The following ZBTB7A variants were observed in gnomAD, a reference collection of about 807,000 sequenced individuals.
ZBTB7A encodes the protein zinc finger and BTB domain-containing protein 7A.
Under a neutral mutation model 26.7 loss-of-function variants are expected in ZBTB7A, and 7 were observed. The ratio of observed to expected loss-of-function variants is 0.26; its 90% CI spans 0.15 to 0.49. ZBTB7A has a LOEUF of 0.49. ZBTB7A is among the 20% of genes least tolerant of loss of function. The pLI is 0.98. For synonymous variants in ZBTB7A, 452 were observed against 441.0 expected (o/e 1.02, Z -0.31); for missense variants, 617 against 919.5 (o/e 0.67, Z 4.25).
Position 4,048,267 on chromosome 19 carries a change from G to T in ZBTB7A, c.1263-23C>A. 2 of 1,555,924 alleles carry T rather than the reference G, an allele frequency of 1.3e-6. No homozygotes were observed. The highest frequency in any genetic ancestry group is 8.6e-7 in the Non-Finnish European group (1 of 1,159,550). On this transcript the variant is annotated intron_variant, in intron 2 of 2. Transcript: ENST00000322357. The surrounding 1 kb of genome is among the most constrained non-coding windows in gnomAD (Gnocchi z 6.7). ...TGCCTGTGGACGGGGCACGGGGCGG[G>T]CACGGTCAGTGGGGCCGGGGACCCC...
rs568297018 is a variant in ZBTB7A at position 4,052,266 on chromosome 19, C to T, written c.1262+1705G>A. ...CGCTCAGCCTGGTCCCCTCTGCAGA[C>T]CCCAGTTCTCTGCACCCCACCAAGC... On this transcript the variant is annotated intron_variant, in intron 2 of 2. Transcript: ENST00000322357. The surrounding 1 kb of genome is among the most constrained non-coding windows in gnomAD (Gnocchi z 4.9). Among the ~76,000 whole-genome samples, 303 of 152,270 alleles carry T rather than the reference C, an allele frequency of 2.0e-3. 2 individuals carry two copies. The highest frequency in any genetic ancestry group is 7.1e-3 in the African/African-American group (296 of 41,562).
chr19:4,056,399 C>T (rs965083465), intron 1 of ZBTB7A, among the ~76,000 whole-genome samples: 1 of 152,244 alleles, frequency 6.6e-6, no homozygotes, highest in African/African-American at 2.4e-5. Flanking sequence ...TGGCACCACC[C>T]CTCCGAGGAG....
chr19:4,045,912 G>A lies in ZBTB7A; in HGVS notation c.*1840C>T. On this transcript the variant is annotated 3_prime_UTR_variant, in exon 3 of 3. Coordinates refer to ENST00000322357, the MANE Select transcript of ZBTB7A (RefSeq NM_015898.4). This position sits in a 1 kb window ranked among gnomAD's most constrained non-coding sequence, Gnocchi z 4.1. ...AAGAGGGGTGCCTGGGGTGGGGAGA[G>A]GGGCGGTGGTTCTAAGGCCCTGGAG... 2.5e-6 allele frequency: 1 copy of A among 398,698 alleles called. No homozygotes were observed. The highest frequency in any genetic ancestry group is 4.4e-5 in the Admixed American group (1 of 22,740). The allele number at this position is 398,698 out of a possible 1,614,324, so 24.7% of individuals were successfully genotyped here. A position where few individuals can be genotyped will look rare whatever the true frequency, so the allele number is the denominator to read the frequency against.
chr19:4,057,789 A>T (rs889930116), intron 1 of ZBTB7A, among the ~76,000 whole-genome samples: 71 of 151,546 alleles, frequency 4.7e-4, no homozygotes, highest in Non-Finnish European at 9.6e-4. Flanking sequence ...TCCAAAAAAA[A>T]AAAAAAAAAC....
Position 4,047,628 on chromosome 19 carries a change from TAG to T in ZBTB7A, c.*122_*123del. 1 of 802,902 alleles carries T rather than the reference TAG, an allele frequency of 1.2e-6. No individual in the cohort carries two copies. The highest frequency in any genetic ancestry group is 1.8e-6 in the Non-Finnish European group (1 of 541,960). The allele number at this position is 802,902 out of a possible 1,614,324, so 49.7% of individuals were successfully genotyped here. ...ATATATATATCTGTATATATATATA[TAG>T]ATATAGATATCTGTATATAGATAGA... On this transcript the variant is annotated 3_prime_UTR_variant, in exon 3 of 3. Coordinates refer to ENST00000322357, the MANE Select transcript of ZBTB7A (RefSeq NM_015898.4).
chr19:4,066,328 A>G (rs1461245572), intron 1 of ZBTB7A, among the ~76,000 whole-genome samples: 5 of 128,358 alleles, frequency 3.9e-5, no homozygotes, highest in Non-Finnish European at 6.7e-5. Context: ...GCGCCCCCCT[A>G]TCTCCCCACG....
At chr19:4,053,422 TATGTGTGC>T (rs2040525200) in intron 2 of ZBTB7A, among the ~76,000 whole-genome samples, 1 of 151,958 alleles carries the variant, frequency 6.6e-6, no homozygotes, top group Non-Finnish European at 1.5e-5. Context: ...CATGTGCATG[TATGTGTGC>T]GCATGTACGT....
intron 1 of ZBTB7A, among the ~76,000 whole-genome samples, chr19:4,056,998 G>C (rs2040586206): frequency 7.0e-6 from 1 of 142,876 alleles, no homozygotes; most frequent in Admixed American, 7.2e-5. Context: ...CCGTACTCCA[G>C]CCTGGGCAAC....
At chr19:4,064,583 G>A (rs906923405) in intron 1 of ZBTB7A, among the ~76,000 whole-genome samples, 6 of 152,266 alleles carry the variant, frequency 3.9e-5, no homozygotes, top group Non-Finnish European at 7.3e-5. Context: ...GCCGGTGGTG[G>A]GGAGGCACCC....
Position 4,054,733 on chromosome 19 carries a change from T to C in ZBTB7A, c.500A>G (p.Asn167Ser). The C allele has an allele frequency of 6.4e-7, 1 of 1,570,040 alleles. No individual in the cohort carries two copies. The highest frequency in any genetic ancestry group is 8.6e-7 in the Non-Finnish European group (1 of 1,157,374). ...CGCGGGGGGCAGGCTGTTCATGGGG[T>C]TGCTCTGGAAGAACTCGAGGTACTC... Reference protein sequence around the residue: ...AKEYLEFFQSNPMNSLPPAAA... With the variant: ...AKEYLEFFQSSPMNSLPPAAA... The change falls in exon 2 of 3, where the codon AAC becomes AGC. Residue 167 changes from asparagine (N) to serine (S), a missense_variant. This residue lies in a region of ZBTB7A where 331 missense variants were observed against 391.3 expected (regional missense o/e 0.85). Coordinates refer to ENST00000322357, the MANE Select transcript of ZBTB7A (RefSeq NM_015898.4).
chr19:4,066,725 TG>T lies in ZBTB7A; in HGVS notation c.-60del, dbSNP rs1251453360. 1 of 150,986 alleles carries T rather than the reference TG, an allele frequency of 6.6e-6. No homozygotes were observed. The highest frequency in any genetic ancestry group is 2.4e-5 in the African/African-American group (1 of 41,104). The allele number at this position is 150,986 out of a possible 1,614,324, so 9.4% of individuals were successfully genotyped here. The stretch of plus-strand genomic sequence containing the variant: ...GGCGCGCGGGGCCGGGGCCCGAAGT[TG>T]GGACTGGGCTCCCTCGGCCGCTCGC... On this transcript the variant is annotated 5_prime_UTR_variant, in exon 1 of 3. Transcript: ENST00000322357.
intron 2 of ZBTB7A, among the ~76,000 whole-genome samples, chr19:4,049,597 G>A (rs2040475186): frequency 6.6e-6 from 1 of 152,046 alleles, no homozygotes; most frequent in African/African-American, 2.4e-5. Flanking sequence ...AACTGTTCTG[G>A]TTTTAGCACT....
chr19:4,059,442 TA>T (rs1370041236), intron 1 of ZBTB7A, among the ~76,000 whole-genome samples: 1 of 152,040 alleles, frequency 6.6e-6, no homozygotes, highest in Non-Finnish European at 1.5e-5. Context: ...TGTTCCCCCC[TA>T]AATATCACTG....
rs2040513523 is a variant in ZBTB7A at position 4,052,427 on chromosome 19, C to G, written c.1262+1544G>C. Among the ~76,000 whole-genome samples the G allele has an allele frequency of 6.6e-6, 1 of 152,264 alleles. No homozygotes were observed. The highest frequency in any genetic ancestry group is 3.4e-3 in the Middle Eastern group (1 of 294). ...TACACTGCCTGCCTCCCAAAGTGCC[C>G]TTTGCCCCCTGCCTGGCACTCCTGG... On this transcript the variant is annotated intron_variant, in intron 2 of 2. Transcript: ENST00000322357. The surrounding 1 kb of genome is among the most constrained non-coding windows in gnomAD (Gnocchi z 4.9).
Position 4,045,783 on chromosome 19 carries a change from G to A in ZBTB7A, c.*1969C>T. 2.5e-6 allele frequency: 1 copy of A among 398,078 alleles called. No homozygotes were observed. The allele number at this position is 398,078 out of a possible 1,614,324, so 24.7% of individuals were successfully genotyped here. ...CATAGTCTCCCCAACCCCGGCCCCT[G>A]TCCGTGGCCTGTGGCTCGGTCAACA... On this transcript the variant is annotated 3_prime_UTR_variant, in exon 3 of 3. Transcript: ENST00000322357. This position sits in a 1 kb window ranked among gnomAD's most constrained non-coding sequence, Gnocchi z 4.1.
In ZBTB7A at chr19:4,043,454, G is replaced by GTT. The variant is rs59932757; in HGVS notation, c.*4296_*4297dup. Among the ~76,000 whole-genome samples, 835 of 144,916 alleles carry GTT rather than the reference G, an allele frequency of 5.8e-3. 3 individuals carry two copies. The highest frequency in any genetic ancestry group is 6.1e-3 in the Non-Finnish European group (404 of 66,392). ...ACTCCCAAAAAGTGCATTTTTATCA[G>GTT]TTTTTTTTTTTTTTAAATCTCCCAC... On this transcript the variant is annotated 3_prime_UTR_variant, in exon 3 of 3. Transcript: ENST00000322357.
In ZBTB7A at chr19:4,054,820, G is replaced by C; in HGVS notation, c.413C>G (p.Ala138Gly). 6.3e-7 allele frequency: 1 copy of C among 1,598,460 alleles called. No homozygotes were observed. The highest frequency in any genetic ancestry group is 8.5e-7 in the Non-Finnish European group (1 of 1,172,438). ...DRQILAADAG[A>G]DAGQLDLVDQ... ...TACAAGGTCCAGCTGCCCGGCGTCG[G>C]CGCCCGCGTCGGCCGCCAGGATCTG... The change falls in exon 2 of 3, where the codon GCC becomes GGC. Residue 138 changes from alanine (A) to glycine (G), a missense_variant. By Grantham distance (60) the Ala-to-Gly change is moderately conservative (BLOSUM62 0). Transcript: ENST00000322357.
At chr19:4,064,645 T>C (rs1172711266) in intron 1 of ZBTB7A, among the ~76,000 whole-genome samples, 1 of 152,084 alleles carries the variant, frequency 6.6e-6, no homozygotes, top group African/African-American at 2.4e-5. Context: ...GTTCTGAGGT[T>C]GGGGCGGGGG....
At chr19:4,049,672 A>G (rs974653942) in intron 2 of ZBTB7A, among the ~76,000 whole-genome samples, 9 of 151,988 alleles carry the variant, frequency 5.9e-5, no homozygotes, top group Non-Finnish European at 1.3e-4. Flanking sequence ...TCACCCTAGT[A>G]ACCAAGTCCC....
Sources: gnomAD v4.1 joint callset for allele counts (sites outside exome capture counted in the v4.1 genomes callset) on GRCh38, gnomAD v4.1.1 for gene constraint, gnomAD v4.1.1 regional missense constraint, Gnocchi (gnomAD v3.1) non-coding constraint, MANE v1.5 for transcripts, NCBI Gene and HGNC (gene_info 2026-07-23, HGNC 2026-07-21) for gene names.